GLIS3: variants seen among roughly 807,000 people sequenced by gnomAD.
The protein encoded by GLIS3 is zinc finger protein GLIS3.
Under a neutral mutation model 78.6 loss-of-function variants are expected in GLIS3, and 53 were observed. That is an observed-to-expected ratio of 0.67 (90% CI 0.54 to 0.85). The LOEUF (loss-of-function observed/expected upper bound fraction) is 0.85, where lower values mean the gene tolerates loss of function less well. Among genes scored for constraint, GLIS3 ranks in the 40% least tolerant of loss-of-function variants. GLIS3 has a pLI of 0.00. For missense variants in GLIS3, 1,703 were observed against 1,231.1 expected (o/e 1.38, Z -5.74); for synonymous variants, 684 against 509.9 (o/e 1.34, Z -4.60).
chr9:4,486,076 T>C, the GLIS3 span, among the ~76,000 whole-genome samples: 34 of 152,348 alleles, frequency 2.2e-4, no homozygotes, highest in Middle Eastern at 3.4e-3. Context: ...TTTGTATATA[T>C]TGAAATTTTT....
chr9:3,844,337 A>G (rs1353839325), intron 9 of GLIS3, among the ~76,000 whole-genome samples: 2 of 152,220 alleles, frequency 1.3e-5, no homozygotes, highest in African/African-American at 2.4e-5. Flanking sequence ...TATAAGAAAT[A>G]TAAGACATAG....
chr9:4,373,129 G>A, the GLIS3 span, among the ~76,000 whole-genome samples: 15 of 152,252 alleles, frequency 9.9e-5, no homozygotes, highest in South Asian at 1.0e-3. Context: ...AGAAAAATAC[G>A]GGCTTTTGTG....
the GLIS3 span, among the ~76,000 whole-genome samples, chr9:4,394,551 A>C: frequency 6.6e-6 from 1 of 152,266 alleles, no homozygotes; most frequent in African/African-American, 2.4e-5. Context: ...TGTATTGTTG[A>C]GTGGGTGGAA....
At chr9:4,104,022 T>A (rs1409452442) in intron 4 of GLIS3, among the ~76,000 whole-genome samples, 1 of 152,166 alleles carries the variant, frequency 6.6e-6, no homozygotes, top group Non-Finnish European at 1.5e-5. Context: ...AACCTGTCCC[T>A]CAACGATGGA....
In GLIS3 at chr9:4,060,433, A is replaced by G. The variant is rs891184881; in HGVS notation, c.1710+57335T>C. Among the ~76,000 whole-genome samples the G allele has an allele frequency of 2.0e-5, 3 of 152,248 alleles. No individual in the cohort carries two copies. The South Asian group carries it at 6.2e-4, about 32-fold the overall frequency. On this transcript the variant is annotated intron_variant, in intron 4 of 10. Coordinates refer to ENST00000381971, the MANE Select transcript of GLIS3 (RefSeq NM_001042413.2). ...CACTAATAGGTGGTGTTATGATTTA[A>G]TATTTGCCCCCGTGTTGAAACTTAA...
At chr9:4,483,568 A>C in the GLIS3 span, among the ~76,000 whole-genome samples, 4 of 151,930 alleles carry the variant, frequency 2.6e-5, no homozygotes, top group Non-Finnish European at 5.9e-5. Context: ...AAATTCAAAA[A>C]AATTAGCTGG....
At chr9:4,017,233 T>G (rs1340315215) in intron 4 of GLIS3, among the ~76,000 whole-genome samples, 1 of 152,210 alleles carries the variant, frequency 6.6e-6, no homozygotes, top group Non-Finnish European at 1.5e-5. Flanking sequence ...TGAAGAGAGA[T>G]GCTGGTTTAG....
At chr9:4,446,675 A>ATTTTTT in the GLIS3 span, among the ~76,000 whole-genome samples, 1 of 123,250 alleles carries the variant, frequency 8.1e-6, no homozygotes. Context: ...ATGCCCGGCT[A>ATTTTTT]ATTTTTTTTT....
intron 2 of GLIS3, among the ~76,000 whole-genome samples, chr9:4,259,033 T>TG (rs1244400376): frequency 1.3e-5 from 2 of 152,122 alleles, no homozygotes; most frequent in Admixed American, 6.6e-5. Context: ...GTTTGCCATC[T>TG]CCTGCCTGCT....
rs199817194 is a variant in GLIS3, at chr9:3,898,825, C to T, written c.1994G>A (p.Ser665Asn). 5.8e-5 allele frequency: 94 copies of T among 1,613,962 alleles called. 1 individual carries two copies. In the Middle Eastern group the frequency reaches 1.3e-3, roughly 23 times the overall value. ...EQQARKKLRS[S>N]TELHPDLLTD... ...GAGCAGGTCTGGATGGAGCTCTGTG[C>T]TGGACCGCAACTAAGAGGACAAAAC... Residue 665 changes from serine to asparagine, a missense_variant, in exon 7 of 11, where the codon AGC becomes AAC. Physicochemically the swap from Ser to Asn is conservative, Grantham distance 46. Coordinates refer to ENST00000381971, the MANE Select transcript of GLIS3 (RefSeq NM_001042413.2).
the GLIS3 span, among the ~76,000 whole-genome samples, chr9:4,389,851 A>G: frequency 6.6e-6 from 1 of 152,180 alleles, no homozygotes; most frequent in Non-Finnish European, 1.5e-5. Flanking sequence ...GCACTCTTCT[A>G]TTGGTTTATC....
At chr9:4,399,332 C>A in the GLIS3 span, among the ~76,000 whole-genome samples, 2 of 152,196 alleles carry the variant, frequency 1.3e-5, no homozygotes, top group Non-Finnish European at 2.9e-5. Flanking sequence ...ACTGCCTCTT[C>A]TGAGTATTCT....
the GLIS3 span, among the ~76,000 whole-genome samples, chr9:4,377,277 G>A: frequency 7.4e-6 from 1 of 135,344 alleles, no homozygotes; most frequent in Non-Finnish European, 1.7e-5. Flanking sequence ...GAGGAAGAAG[G>A]TGGGATAAGC....
chr9:3,953,795 C>CTCTCTCTATATATA (rs1403671770), intron 4 of GLIS3, among the ~76,000 whole-genome samples: 32 of 73,316 alleles, frequency 4.4e-4, no homozygotes, highest in Admixed American at 2.9e-3. Context: ...CTCTCTCTCT[C>CTCTCTCTATATATA]TATATATATA....
chr9:4,179,907 C>T (rs1303592232), intron 2 of GLIS3, among the ~76,000 whole-genome samples: 4 of 107,880 alleles, frequency 3.7e-5, no homozygotes, highest in Non-Finnish European at 8.0e-5. Context: ...GAGACTCTGT[C>T]TCAAAAAAAA....
chr9:4,434,880 G>C, the GLIS3 span, among the ~76,000 whole-genome samples: 2 of 152,222 alleles, frequency 1.3e-5, no homozygotes, highest in African/African-American at 4.8e-5. Context: ...TGAGCTGGGT[G>C]CTAGAGAGAG....
intron 2 of GLIS3, among the ~76,000 whole-genome samples, chr9:4,142,353 T>C (rs1833874775): frequency 6.6e-6 from 1 of 152,196 alleles, no homozygotes; most frequent in South Asian, 2.1e-4. Flanking sequence ...AAATAACACA[T>C]AATAAACAAC....
intron 7 of GLIS3, among the ~76,000 whole-genome samples, chr9:3,893,248 C>T (rs187863666): frequency 7.4e-4 from 112 of 152,194 alleles, no homozygotes; most frequent in Admixed American, 2.0e-3. Context: ...AATATTTTTA[C>T]GGCAAAACTT....
At chr9:4,367,927 T>A in the GLIS3 span, among the ~76,000 whole-genome samples, 1 of 152,194 alleles carries the variant, frequency 6.6e-6, no homozygotes, top group East Asian at 1.9e-4. Flanking sequence ...AAAGTTAAGT[T>A]CAGAGAGGTT....
Sources: gnomAD v4.1 joint callset for allele counts (sites outside exome capture counted in the v4.1 genomes callset) on GRCh38, gnomAD v4.1.1 for gene constraint, MANE v1.5 for transcripts, NCBI Gene and HGNC (gene_info 2026-07-23, HGNC 2026-07-21) for gene names.